GML: variants seen among roughly 807,000 people sequenced by gnomAD.
GML encodes glycosylphosphatidylinositol anchored molecule like.
In GML, 5 loss-of-function variants were observed where a neutral mutation model predicts 8.2. The observed-to-expected ratio is 0.61, with a 90% CI of 0.32 to 1.28. The LOEUF (loss-of-function observed/expected upper bound fraction) is 1.28, where lower values mean the gene tolerates loss of function less well. Among genes scored for constraint, GML ranks in the 50% most tolerant of loss-of-function variants. The pLI is 0.06. For missense variants in GML, 191 were observed against 198.3 expected, an observed-to-expected ratio of 0.96 and a Z score of 0.22; for synonymous variants, 72 against 69.0, an observed-to-expected ratio of 1.04 and a Z score of -0.22.
Position 142,846,422 on chromosome 8 carries a change from A to G in GML, c.209A>G (p.Tyr70Cys). The change falls in exon 4 of 4, where the codon TAT (tyrosine) becomes TGT (cysteine). Residue 70 changes from tyrosine to cysteine, a missense_variant. Transcript: ENST00000220940. ...IRINSRELLVYKNCTNNCTFV... is the reference protein window; with the variant it reads ...IRINSRELLVCKNCTNNCTFV... ...ATAAATTCTCGTGAACTACTTGTTTATAAGAACTGTACAAACAACTGCACA... is the reference window on the plus strand; with the variant it reads ...ATAAATTCTCGTGAACTACTTGTTTGTAAGAACTGTACAAACAACTGCACA... 1 of 1,607,448 alleles carries G rather than the reference A, an allele frequency of 6.2e-7. No homozygotes were observed. The highest frequency in any genetic ancestry group is 8.5e-7 in the Non-Finnish European group (1 of 1,175,858).
At chr8:142,846,074 C>T (rs531277799) in intron 3 of GML, among the ~76,000 whole-genome samples, 1 of 152,298 alleles carries the variant, frequency 6.6e-6, no homozygotes, top group South Asian at 2.1e-4. Context: ...AGAATTCTTA[C>T]CATAAGAAAT....
intron 1 of GML, among the ~76,000 whole-genome samples, chr8:142,838,672 C>T (rs1051959911): frequency 6.6e-6 from 1 of 152,124 alleles, no homozygotes; most frequent in Non-Finnish European, 1.5e-5. Flanking sequence ...GCTGATGATC[C>T]ACATTTTCTA....
chr8:142,840,747 C>G (rs1223656300), intron 2 of GML, among the ~76,000 whole-genome samples: 1 of 152,136 alleles, frequency 6.6e-6, no homozygotes. Flanking sequence ...TGGCCCTTCT[C>G]CATCAGCGCC....
intron 3 of GML, 42 bp downstream of exon 3, chr8:142,841,267 C>A: frequency 1.0e-6 from 1 of 1,003,038 alleles, no homozygotes; most frequent in Non-Finnish European, 1.6e-6. Context: ...TAGATTAGTC[C>A]CCTACCTGGG....
In GML at chr8:142,846,696, C is replaced by A; in HGVS notation, c.*6C>A. 6.2e-7 allele frequency: 1 copy of A among 1,606,596 alleles called. No individual in the cohort carries two copies. Among genetic ancestry groups the A allele is most frequent in the Non-Finnish European group, 8.5e-7 (1 of 1,173,816 alleles). On this transcript the variant is annotated 3_prime_UTR_variant, in exon 4 of 4. Coordinates refer to ENST00000220940, the MANE Select transcript of GML (RefSeq NM_002066.3). Reference sequence around the variant, plus strand: ...TCAGCAATATATTGCCATGAGGACCCCACCTTGGAGGGTCTGACCATCTTC... The same window carrying A: ...TCAGCAATATATTGCCATGAGGACCACACCTTGGAGGGTCTGACCATCTTC...
At chr8:142,845,885 A>G (rs1816498318) in intron 3 of GML, among the ~76,000 whole-genome samples, 1 of 152,234 alleles carries the variant, frequency 6.6e-6, no homozygotes, top group Non-Finnish European at 1.5e-5. Flanking sequence ...ATGTTGGTCC[A>G]GGAGACTGAA....
intron 3 of GML, among the ~76,000 whole-genome samples, chr8:142,842,691 A>G (rs148336828): frequency 5.0e-4 from 76 of 152,316 alleles, no homozygotes; most frequent in African/African-American, 1.8e-3. Flanking sequence ...ACTGAAAGCA[A>G]TTCTAAGACT....
chr8:142,842,879 C>T (rs1816453711), intron 3 of GML, among the ~76,000 whole-genome samples: 1 of 152,228 alleles, frequency 6.6e-6, no homozygotes, highest in Non-Finnish European at 1.5e-5. Context: ...AGTGACCTAG[C>T]TCTGGACTGT....
intron 1 of GML, 70 bp downstream of exon 1, chr8:142,834,938 GC>G (rs2130208277): frequency 6.6e-6 from 1 of 152,388 alleles, no homozygotes; most frequent in South Asian, 2.1e-4. Flanking sequence ...AGCTGAGGCA[GC>G]CTCCTCGTCA....
chr8:142,835,114 C>T (rs922390891), intron 1 of GML, among the ~76,000 whole-genome samples: 2 of 151,836 alleles, frequency 1.3e-5, no homozygotes, highest in Non-Finnish European at 2.9e-5. Flanking sequence ...TGGGGAGACG[C>T]CCCCTGCTCC....
Position 142,841,191 on chromosome 8 carries a change from G to GT in GML, c.148dup (p.Tyr50LeufsTer4). On this transcript the variant is annotated frameshift_variant, in exon 3 of 4. Transcript: ENST00000220940. LOFTEE classifies it low-confidence loss of function (END_TRUNC). ...ACTGTCCCAACATTAGAGTATGTCC[G>GT]TATCATATTAGGCGCTGTATGACAA... 1 of 1,561,474 alleles carries GT rather than the reference G, an allele frequency of 6.4e-7. No homozygotes were observed. The highest frequency in any genetic ancestry group is 8.8e-7 in the Non-Finnish European group (1 of 1,132,344).
In GML at chr8:142,840,525, C is replaced by T. The variant is rs549369890; in HGVS notation, c.73+15C>T. The stretch of plus-strand genomic sequence containing the variant: ...GCGCGCTCAGTGTAAGTATCATTCC[C>T]TCTCACTGTCCTGGAGAGGACGAGA... On this transcript the variant is annotated intron_variant, in intron 2 of 3. Coordinates refer to ENST00000220940, the MANE Select transcript of GML (RefSeq NM_002066.3). The T allele has an allele frequency of 1.1e-5, 18 of 1,577,344 alleles. No homozygotes were observed. In the East Asian group the frequency reaches 2.7e-4, roughly 24 times the overall value.
rs1586546941 is a variant in GML, at chr8:142,846,741, G to A, written c.*51G>A. On this transcript the variant is annotated 3_prime_UTR_variant, in exon 4 of 4. Coordinates refer to ENST00000220940, the MANE Select transcript of GML (RefSeq NM_002066.3). ...ATCTTCACCTGTTCCGCAGAGAAATGTTGCTCTCCATTATTCCCTTCTAAG... is the reference window on the plus strand; with the variant it reads ...ATCTTCACCTGTTCCGCAGAGAAATATTGCTCTCCATTATTCCCTTCTAAG... 7.3e-7 allele frequency: 1 copy of A among 1,362,594 alleles called. No individual in the cohort carries two copies. Among genetic ancestry groups the A allele is most frequent in the African/African-American group, 1.4e-5 (1 of 69,808 alleles). The allele number at this position is 1,362,594 out of a possible 1,614,324, so 84.4% of individuals were successfully genotyped here. A position where few individuals can be genotyped will look rare whatever the true frequency, so the allele number is the denominator to read the frequency against.
In GML at chr8:142,835,859, T is replaced by G. The variant is rs538320621; in HGVS notation, c.-23+991T>G. Among the ~76,000 whole-genome samples, 7 of 152,362 alleles carry G rather than the reference T, an allele frequency of 4.6e-5. No homozygotes were observed. In the South Asian group the frequency reaches 1.4e-3, roughly 32 times the overall value. ...TCGCCGACGCTGACGTAACTGTTTC[T>G]GCCTTTCAGTTCTACAGCCTCCTTT... On this transcript the variant is annotated intron_variant, in intron 1 of 3. Transcript: ENST00000220940.
In GML at chr8:142,846,433, A is replaced by C. The variant is rs1816504383; in HGVS notation, c.220A>C (p.Thr74Pro). 1 of 1,612,674 alleles carries C rather than the reference A, an allele frequency of 6.2e-7. No homozygotes were observed. Among genetic ancestry groups the C allele is most frequent in the East Asian group, 2.2e-5 (1 of 44,876 alleles). The change falls in exon 4 of 4, where the codon ACA becomes CCA. Residue 74 changes from threonine to proline, a missense_variant. Thr to Pro is a conservative substitution (Grantham distance 38). Coordinates refer to ENST00000220940, the MANE Select transcript of GML (RefSeq NM_002066.3). ...TGAACTACTTGTTTATAAGAACTGT[A>C]CAAACAACTGCACATTTGTATATGC... ...SRELLVYKNC[T>P]NNCTFVYAAE... is the part of the protein sequence containing the mutation.
rs375179110 is a variant in GML at position 142,840,408 on chromosome 8, C to T, written c.-22-8C>T. On this transcript the variant is annotated splice_region_variant and splice_polypyrimidine_tract_variant and intron_variant, in intron 1 of 3. Transcript: ENST00000220940. ...ACTAACGTGTTGTATGGGGCTCCTT[C>T]CCTTCAGGTCCAGGCTCCTGCGTGA... The T allele has an allele frequency of 2.5e-6, 4 of 1,573,956 alleles. No homozygotes were observed. In the African/African-American group the frequency reaches 4.0e-5, roughly 16 times the overall value.
In GML at chr8:142,845,403, T is replaced by C. The variant is rs772372613; in HGVS notation, c.182-992T>C. Reference sequence around the variant, plus strand: ...GACAATCCATTGAGTTGTGGACTTATGGTCAGGCACATTTCTGTAGAATGG... The same window carrying C: ...GACAATCCATTGAGTTGTGGACTTACGGTCAGGCACATTTCTGTAGAATGG... On this transcript the variant is annotated intron_variant, in intron 3 of 3. Transcript: ENST00000220940. Among the ~76,000 whole-genome samples, 8 of 152,222 alleles carry C rather than the reference T, an allele frequency of 5.3e-5. No individual in the cohort carries two copies. The East Asian group carries it at 5.8e-4, about 11-fold the overall frequency.
intron 1 of GML, among the ~76,000 whole-genome samples, chr8:142,835,227 C>T (rs1308077361): frequency 2.0e-5 from 3 of 151,772 alleles, no homozygotes; most frequent in Non-Finnish European, 4.4e-5. Flanking sequence ...GGAGACCCCC[C>T]AACTATGCTC....
At position 142,846,709 on chromosome 8, in the gene GML, T is replaced by G; in HGVS notation, c.*19T>G. On this transcript the variant is annotated 3_prime_UTR_variant, in exon 4 of 4. Transcript: ENST00000220940. ...GCCATGAGGACCCCACCTTGGAGGG[T>G]CTGACCATCTTCACCTGTTCCGCAG... The G allele has an allele frequency of 3.2e-6, 5 of 1,579,660 alleles. No individual in the cohort carries two copies. Among genetic ancestry groups the G allele is most frequent in the Non-Finnish European group, 4.3e-6 (5 of 1,151,002 alleles).
Sources: allele counts gnomAD v4.1 joint callset (sites outside exome capture counted in the v4.1 genomes callset), GRCh38; gene constraint gnomAD v4.1.1; transcripts MANE v1.5; gene names NCBI Gene and HGNC (gene_info 2026-07-23, HGNC 2026-07-21).